The following MARCHF10 variants were observed in gnomAD, a reference collection of about 807,000 sequenced individuals.
MARCHF10 encodes membrane associated ring-CH-type finger 10.
Under a neutral mutation model 76.2 loss-of-function variants are expected in MARCHF10, and 64 were observed. The ratio of observed to expected loss-of-function variants is 0.84; its 90% CI spans 0.69 to 1.03. The LOEUF (loss-of-function observed/expected upper bound fraction) is 1.03. MARCHF10 is among the 50% of genes least tolerant of loss of function. The pLI, the probability that MARCHF10 is intolerant of heterozygous loss-of-function variation, is 0.00. For missense variants in MARCHF10, 875 were observed against 958.0 expected, an observed-to-expected ratio of 0.91 and a Z score of 1.14; for synonymous variants, 340 against 357.5, an observed-to-expected ratio of 0.95 and a Z score of 0.55.
chr17:62,735,829 G>T, intron 6 of MARCHF10, 102 bp downstream of exon 6: 1 of 1,040,000 alleles, frequency 9.6e-7, no homozygotes, highest in Non-Finnish European at 1.4e-6. Flanking sequence ...GTCAAGGAAG[G>T]ACCCATTTAT....
chr17:62,807,043 T>C (rs2093174601), intron 1 of MARCHF10, among the ~76,000 whole-genome samples: 4 of 152,358 alleles, frequency 2.6e-5, no homozygotes, highest in Admixed American at 2.6e-4. Flanking sequence ...ATGGCTATTG[T>C]TAATACCGGA....
At chr17:62,701,871 C>T (rs2089258529) in intron 10 of MARCHF10, 113 bp from the exon 11 acceptor site, 1 of 1,393,266 alleles carries the variant, frequency 7.2e-7, no homozygotes, top group Non-Finnish European at 1.0e-6. Flanking sequence ...GAGGCCCAGC[C>T]ACCCACATGG....
intron 8 of MARCHF10, among the ~76,000 whole-genome samples, chr17:62,717,589 C>T (rs570213794): frequency 7.2e-5 from 11 of 152,292 alleles, no homozygotes; most frequent in East Asian, 1.9e-4. Flanking sequence ...GACCCGAGGG[C>T]GGAGGAGGGA....
In MARCHF10 at chr17:62,779,543, C is replaced by T. The variant is rs73992061; in HGVS notation, c.210+8937G>A. Among the ~76,000 whole-genome samples the T allele has an allele frequency of 3.7e-3, 561 of 152,242 alleles. 1 individual carries two copies. The highest frequency in any genetic ancestry group is 0.013 in the African/African-American group (541 of 41,546). ...ATGAAAGGAGTCATGCAGATATACCCAGGTCATAGAAAAACACAAAATGCA... is the reference window on the plus strand; with the variant it reads ...ATGAAAGGAGTCATGCAGATATACCTAGGTCATAGAAAAACACAAAATGCA... On this transcript the variant is annotated intron_variant, in intron 3 of 10. Coordinates refer to ENST00000311269, the MANE Select transcript of MARCHF10 (RefSeq NM_152598.4).
intron 10 of MARCHF10, among the ~76,000 whole-genome samples, chr17:62,702,260 TGGTGGGGGTG>T (rs1426009068): frequency 6.6e-6 from 1 of 150,748 alleles, no homozygotes; most frequent in Non-Finnish European, 1.5e-5. Context: ...GAGGTGGAGT[TGGTGGGGGTG>T]GGTGGTCTCC....
chr17:62,772,462 CA>C (rs2092466680), intron 3 of MARCHF10, among the ~76,000 whole-genome samples: 1 of 152,016 alleles, frequency 6.6e-6, no homozygotes, highest in African/African-American at 2.4e-5. Context: ...TTACAATGCA[CA>C]AAAGGAAAAA....
chr17:62,746,523 G>A (rs902935905), intron 4 of MARCHF10, among the ~76,000 whole-genome samples: 1 of 152,052 alleles, frequency 6.6e-6, no homozygotes, highest in Admixed American at 6.6e-5. Flanking sequence ...ACTGAGGGAA[G>A]GAGGGAAGCA....
At chr17:62,708,435 A>G (rs932385774) in intron 9 of MARCHF10, among the ~76,000 whole-genome samples, 3 of 152,172 alleles carry the variant, frequency 2.0e-5, no homozygotes, top group Non-Finnish European at 4.4e-5. Context: ...TAGTAGAGAC[A>G]GGGTTTCACC....
intron 2 of MARCHF10, among the ~76,000 whole-genome samples, chr17:62,797,342 T>C (rs1188683404): frequency 2.0e-5 from 3 of 152,072 alleles, no homozygotes; most frequent in African/African-American, 7.2e-5. Flanking sequence ...GTAGCTGGGA[T>C]TACAGGTGCC....
intron 3 of MARCHF10, 46 bp downstream of exon 3, chr17:62,788,433 AG>A: frequency 6.3e-7 from 1 of 1,586,878 alleles, no homozygotes; most frequent in Non-Finnish European, 8.6e-7. Context: ...CACCACCACC[AG>A]CAGCAGCAGC....
chr17:62,771,821 C>T (rs1326137908), intron 3 of MARCHF10, among the ~76,000 whole-genome samples: 1 of 152,184 alleles, frequency 6.6e-6, no homozygotes, highest in Non-Finnish European at 1.5e-5. Context: ...AACTGATCTG[C>T]CAGCCTCGGC....
At chr17:62,766,488 G>T (rs1462037622) in intron 3 of MARCHF10, among the ~76,000 whole-genome samples, 1 of 151,398 alleles carries the variant, frequency 6.6e-6, no homozygotes, top group Non-Finnish European at 1.5e-5. Flanking sequence ...CAACAAGAGC[G>T]AAACTCCGTC....
At chr17:62,783,901 A>G (rs371973167) in intron 3 of MARCHF10, among the ~76,000 whole-genome samples, 3 of 152,176 alleles carry the variant, frequency 2.0e-5, no homozygotes. Flanking sequence ...CAACCAAAAA[A>G]AGTCCAGGAC....
intron 3 of MARCHF10, among the ~76,000 whole-genome samples, chr17:62,773,674 T>C (rs1189349684): frequency 6.6e-6 from 1 of 151,844 alleles, no homozygotes; most frequent in African/African-American, 2.4e-5. Context: ...AGGGCGGTGA[T>C]GGTGGGAGAC....
chr17:62,799,384 C>T (rs1205362667), intron 2 of MARCHF10, among the ~76,000 whole-genome samples: 1 of 152,168 alleles, frequency 6.6e-6, no homozygotes, highest in African/African-American at 2.4e-5. Context: ...GCCAGAGTGA[C>T]CCTTAATACA....
At chr17:62,749,217 A>T (rs2091814427) in intron 4 of MARCHF10, among the ~76,000 whole-genome samples, 1 of 152,238 alleles carries the variant, frequency 6.6e-6, no homozygotes, top group Non-Finnish European at 1.5e-5. Context: ...GGGAAAAAAA[A>T]GGTAGAAATC....
At chr17:62,759,114 A>G (rs1443733816) in intron 4 of MARCHF10, among the ~76,000 whole-genome samples, 1 of 152,246 alleles carries the variant, frequency 6.6e-6, no homozygotes, top group Non-Finnish European at 1.5e-5. Flanking sequence ...GGACAAACCC[A>G]GAACAGGAAA....
chr17:62,729,436 G>A (rs1418003562), intron 6 of MARCHF10, among the ~76,000 whole-genome samples: 2 of 147,080 alleles, frequency 1.4e-5, no homozygotes, highest in East Asian at 4.0e-4. Flanking sequence ...TGAAAAGAGG[G>A]TAACAAAGAG....
chr17:62,793,538 C>A (rs1358085081), intron 2 of MARCHF10, among the ~76,000 whole-genome samples: 40 of 139,688 alleles, frequency 2.9e-4, no homozygotes, highest in African/African-American at 1.0e-3. Context: ...ATCACCACCA[C>A]CACCACCTCC....
Sources: gnomAD v4.1 joint callset for allele counts (sites outside exome capture counted in the v4.1 genomes callset) on GRCh38, gnomAD v4.1.1 for gene constraint, MANE v1.5 for transcripts, NCBI Gene and HGNC (gene_info 2026-07-23, HGNC 2026-07-21) for gene names.